RASSF3: variants seen among roughly 807,000 people sequenced by gnomAD.
RASSF3 encodes the protein ras association domain-containing protein 3.
RASSF3 carries 19 observed loss-of-function variants against 19.9 expected under a neutral mutation model. The ratio of observed to expected loss-of-function variants is 0.96; its 90% CI spans 0.67 to 1.40. The LOEUF is 1.40. Among genes scored for constraint, RASSF3 ranks in the 40% most tolerant of loss-of-function variants. The probability of loss-of-function intolerance (pLI) is 0.00; values close to 1 mark genes in which losing one functional copy is unlikely to be tolerated. For synonymous variants in RASSF3, 110 were observed against 104.2 expected (o/e 1.06, Z -0.34); for missense variants, 306 against 289.8 (o/e 1.06, Z -0.41).
intron 1 of RASSF3, among the ~76,000 whole-genome samples, chr12:64,644,620 C>T (rs899079741): frequency 2.0e-5 from 3 of 151,776 alleles, no homozygotes; most frequent in African/African-American, 7.3e-5. Context: ...TCACCTGAGC[C>T]CAGGAGGTTG....
chr12:64,673,800 A>G (rs994667055), intron 1 of RASSF3, among the ~76,000 whole-genome samples: 12 of 151,788 alleles, frequency 7.9e-5, no homozygotes, highest in Non-Finnish European at 1.8e-4. Flanking sequence ...CCCTTTGAGA[A>G]CACATCAGAC....
At chr12:64,691,199 A>G (rs1446939864) in intron 3 of RASSF3, among the ~76,000 whole-genome samples, 1 of 152,236 alleles carries the variant, frequency 6.6e-6, no homozygotes, top group African/African-American at 2.4e-5. Context: ...AGAGCTAACT[A>G]TAAGCATATT....
chr12:64,579,055 A>G (rs1307209651), intron 2 of RASSF3, among the ~76,000 whole-genome samples: 3 of 151,864 alleles, frequency 2.0e-5, no homozygotes, highest in Non-Finnish European at 4.4e-5. Context: ...TGAACCCAGG[A>G]TGCAGAGGTT....
chr12:64,544,513 A>T (rs896866509), downstream of RASSF3, among the ~76,000 whole-genome samples: 1 of 152,056 alleles, frequency 6.6e-6, no homozygotes, highest in Non-Finnish European at 1.5e-5. Flanking sequence ...ACTACCTGGG[A>T]GGCTGAGGTG....
intron 1 of RASSF3, among the ~76,000 whole-genome samples, chr12:64,514,838 A>G (rs894592459): frequency 1.3e-5 from 2 of 152,150 alleles, no homozygotes; most frequent in South Asian, 2.1e-4. Context: ...CATTAGCATT[A>G]TCTGTCTCTA....
intron 2 of RASSF3, among the ~76,000 whole-genome samples, chr12:64,584,682 A>G (rs1869763609): frequency 1.3e-5 from 2 of 152,074 alleles, no homozygotes; most frequent in African/African-American, 2.4e-5. Context: ...TAAGAAAGAC[A>G]TAACGGTCAC....
intron 1 of RASSF3, among the ~76,000 whole-genome samples, chr12:64,641,419 C>CACACACACAT (rs769330728): frequency 6.6e-6 from 1 of 150,662 alleles, no homozygotes. Context: ...CACACACGCG[C>CACACACACAT]GCGCGCGCGT....
At chr12:64,637,080 G>A (rs543457361) in intron 1 of RASSF3, among the ~76,000 whole-genome samples, 34 of 152,194 alleles carry the variant, frequency 2.2e-4, no homozygotes, top group Middle Eastern at 3.4e-3. Flanking sequence ...AACAGTAACA[G>A]CTGTGTAAAT....
At chr12:64,588,815 T>C (rs1869861981) in intron 2 of RASSF3, among the ~76,000 whole-genome samples, 1 of 152,166 alleles carries the variant, frequency 6.6e-6, no homozygotes, top group Non-Finnish European at 1.5e-5. Flanking sequence ...TAAGATGACT[T>C]TTTCCATCCA....
intron 2 of RASSF3, among the ~76,000 whole-genome samples, chr12:64,602,450 G>A (rs558131912): frequency 6.6e-6 from 1 of 151,694 alleles, no homozygotes; most frequent in African/African-American, 2.4e-5. Context: ...GCATGGTGGT[G>A]CACACCTGTA....
intron 1 of RASSF3, among the ~76,000 whole-genome samples, chr12:64,642,429 G>A (rs1008423580): frequency 4.0e-5 from 6 of 151,286 alleles, no homozygotes; most frequent in South Asian, 4.2e-4. Flanking sequence ...GCATGGTGGC[G>A]GGTGCCTGTA....
intron 2 of RASSF3, among the ~76,000 whole-genome samples, chr12:64,565,381 A>G (rs1004172868): frequency 6.6e-6 from 1 of 151,764 alleles, no homozygotes; most frequent in Admixed American, 6.6e-5. Flanking sequence ...GTTCAAGACC[A>G]GGCTTGCCAA....
At chr12:64,634,416 C>T (rs1022676467) in intron 1 of RASSF3, among the ~76,000 whole-genome samples, 1 of 151,788 alleles carries the variant, frequency 6.6e-6, no homozygotes, top group African/African-American at 2.4e-5. Context: ...AAGTGATCCT[C>T]CTCAGCCTCC....
At chr12:64,612,895 T>C (rs1016833496) in intron 1 of RASSF3, among the ~76,000 whole-genome samples, 2 of 152,220 alleles carry the variant, frequency 1.3e-5, no homozygotes, top group African/African-American at 2.4e-5. Flanking sequence ...TTTTGAAATA[T>C]CGTGTTGGAA....
chr12:64,527,724 C>T (rs1868617517), intron 1 of RASSF3, among the ~76,000 whole-genome samples: 1 of 151,908 alleles, frequency 6.6e-6, no homozygotes, highest in African/African-American at 2.4e-5. Flanking sequence ...CACTTGAAGC[C>T]AGGAGTTTGA....
At chr12:64,611,035 A>G (rs766596450) in intron 1 of RASSF3, among the ~76,000 whole-genome samples, 1 of 152,180 alleles carries the variant, frequency 6.6e-6, no homozygotes, top group Non-Finnish European at 1.5e-5. Flanking sequence ...TGCGGGGAGC[A>G]GCCCCGGAGC....
chr12:64,626,473 G>A (rs1393665611), intron 1 of RASSF3, among the ~76,000 whole-genome samples: 1 of 137,728 alleles, frequency 7.3e-6, no homozygotes, highest in Non-Finnish European at 1.5e-5. Context: ...GGGCAACAGA[G>A]TGAGACTCTT....
chr12:64,662,098 A>G (rs1872388523), intron 1 of RASSF3, among the ~76,000 whole-genome samples: 1 of 151,686 alleles, frequency 6.6e-6, no homozygotes, highest in Non-Finnish European at 1.5e-5. Flanking sequence ...GCCTTTGTGG[A>G]GCTCAGATTC....
intron 1 of RASSF3, among the ~76,000 whole-genome samples, chr12:64,621,650 G>A (rs551041221): frequency 4.4e-4 from 67 of 152,146 alleles, no homozygotes; most frequent in Non-Finnish European, 9.1e-4. Flanking sequence ...GCTAATTTTT[G>A]TATTTTTAGT....
Sources: allele counts gnomAD v4.1 joint callset (sites outside exome capture counted in the v4.1 genomes callset), GRCh38; gene constraint gnomAD v4.1.1; transcripts MANE v1.5; gene names NCBI Gene and HGNC (gene_info 2026-07-23, HGNC 2026-07-21).